GNAQ: variants seen among roughly 807,000 people sequenced by gnomAD.
GNAQ encodes guanine nucleotide-binding protein G(q) subunit alpha.
A neutral mutation model predicts 43.9 loss-of-function variants in GNAQ; 8 were observed. The observed-to-expected ratio is 0.18, with a 90% CI of 0.11 to 0.33. GNAQ has a LOEUF of 0.33. Among genes scored for constraint, GNAQ ranks in the 10% least tolerant of loss-of-function variants. GNAQ has a pLI of 1.00. For missense variants in GNAQ, 158 were observed against 450.8 expected (o/e 0.35, Z 5.88); for synonymous variants, 155 against 170.7 (o/e 0.91, Z 0.71).
intron 6 of GNAQ, among the ~76,000 whole-genome samples, chr9:77,725,837 T>A (rs1825389365): frequency 1.3e-5 from 2 of 152,196 alleles, no homozygotes; most frequent in South Asian, 2.1e-4. Context: ...GAAGTTTGAA[T>A]GAACCCCTCA....
chr9:77,838,918 T>G (rs1386922345), intron 2 of GNAQ, among the ~76,000 whole-genome samples: 7 of 151,838 alleles, frequency 4.6e-5, no homozygotes, highest in African/African-American at 1.5e-4. Context: ...GTGACTCTGA[T>G]GAGGAAAAAA....
At chr9:77,761,180 C>T (rs540275488) in intron 5 of GNAQ, among the ~76,000 whole-genome samples, 1,686 of 145,572 alleles carry the variant, frequency 0.012, 28 homozygotes, top group African/African-American at 0.04. Flanking sequence ...GTCAGCCTCC[C>T]GCCCGGCCAG....
intron 5 of GNAQ, among the ~76,000 whole-genome samples, chr9:77,748,446 T>C (rs1825763148): frequency 6.6e-6 from 1 of 152,174 alleles, no homozygotes; most frequent in Non-Finnish European, 1.5e-5. Context: ...CAATTAACTT[T>C]TAAGGACAAG....
chr9:77,836,118 T>C (rs935471120), intron 2 of GNAQ, among the ~76,000 whole-genome samples: 1 of 152,078 alleles, frequency 6.6e-6, no homozygotes, highest in African/African-American at 2.4e-5. Flanking sequence ...AAACTATGAC[T>C]GAAGACATGG....
At chr9:77,770,710 T>C (rs572191039) in intron 5 of GNAQ, among the ~76,000 whole-genome samples, 2 of 152,276 alleles carry the variant, frequency 1.3e-5, no homozygotes, top group Admixed American at 6.5e-5. Flanking sequence ...GGGCAAGAAC[T>C]TGCTATTCAG....
At chr9:77,882,204 A>G (rs1372565572) in intron 2 of GNAQ, among the ~76,000 whole-genome samples, 2 of 152,214 alleles carry the variant, frequency 1.3e-5, no homozygotes, top group Non-Finnish European at 2.9e-5. Context: ...AGCTTTATAC[A>G]TAATTTTATG....
chr9:77,814,041 AT>A (rs888215553), intron 3 of GNAQ, among the ~76,000 whole-genome samples: 1 of 152,156 alleles, frequency 6.6e-6, no homozygotes, highest in Non-Finnish European at 1.5e-5. Context: ...GACATAATGA[AT>A]GGGAACAGGG....
chr9:77,965,571 T>G (rs1466157090), intron 1 of GNAQ, among the ~76,000 whole-genome samples: 1 of 152,172 alleles, frequency 6.6e-6, no homozygotes, highest in Admixed American at 6.5e-5. Context: ...TCGAAAAAGT[T>G]ATACAGATGG....
chr9:77,767,420 G>A (rs1024002629), intron 5 of GNAQ, among the ~76,000 whole-genome samples: 2 of 152,246 alleles, frequency 1.3e-5, no homozygotes, highest in African/African-American at 2.4e-5. Flanking sequence ...CCACTGCTCT[G>A]AACATACCAT....
intron 1 of GNAQ, among the ~76,000 whole-genome samples, chr9:77,941,965 G>T (rs1022053266): frequency 6.6e-6 from 1 of 150,564 alleles, no homozygotes; most frequent in Non-Finnish European, 1.5e-5. Context: ...TATATAGAAA[G>T]AGGTAGGGTA....
chr9:78,008,161 G>A (rs781403374), intron 1 of GNAQ, among the ~76,000 whole-genome samples: 21 of 152,318 alleles, frequency 1.4e-4, no homozygotes, highest in Non-Finnish European at 2.8e-4. Flanking sequence ...TGTTTGAGCC[G>A]CTGAAAGACC....
intron 1 of GNAQ, among the ~76,000 whole-genome samples, chr9:77,941,883 A>G (rs931581426): frequency 8.0e-5 from 12 of 149,748 alleles, no homozygotes; most frequent in Admixed American, 4.0e-4. Context: ...GTTCTCGAAA[A>G]TGTGCACTTA....
At chr9:77,874,368 G>A (rs368598684) in intron 2 of GNAQ, among the ~76,000 whole-genome samples, 172 of 152,186 alleles carry the variant, frequency 1.1e-3, no homozygotes, top group African/African-American at 3.6e-3. Flanking sequence ...ACTGGCCCGC[G>A]TTCCAAGATA....
intron 1 of GNAQ, among the ~76,000 whole-genome samples, chr9:77,948,534 T>C (rs1286778176): frequency 1.3e-5 from 2 of 151,928 alleles, no homozygotes; most frequent in Admixed American, 6.6e-5. Flanking sequence ...CAGATGACTG[T>C]GGGGTCCAGC....
intron 1 of GNAQ, among the ~76,000 whole-genome samples, chr9:77,930,892 GTGGCAGGCATTAC>G (rs1286601741): frequency 6.6e-6 from 1 of 152,116 alleles, no homozygotes; most frequent in Admixed American, 6.5e-5. Context: ...CAGCAAGAGA[GTGGCAGGCATTAC>G]TGCCTGAGCT....
rs1307371499 is a variant in GNAQ at position 77,717,326 on chromosome 9, T to C, written c.*3997A>G. 11 of 232,352 alleles carry C rather than the reference T, an allele frequency of 4.7e-5. No homozygotes were observed. The highest frequency in any genetic ancestry group is 8.5e-5 in the Non-Finnish European group (10 of 117,628). The allele number at this position is 232,352 out of a possible 1,614,324, so 14.4% of individuals were successfully genotyped here. Reference sequence around the variant, plus strand: ...TTTAATTTGAAGAAGAGCAGCAATATACATTACAATATTTGGGTACACTTT... The same window carrying C: ...TTTAATTTGAAGAAGAGCAGCAATACACATTACAATATTTGGGTACACTTT... On this transcript the variant is annotated 3_prime_UTR_variant, in exon 7 of 7. Coordinates refer to ENST00000286548, the MANE Select transcript of GNAQ (RefSeq NM_002072.5).
chr9:77,939,854 G>A (rs747579703), intron 1 of GNAQ, among the ~76,000 whole-genome samples: 10 of 152,106 alleles, frequency 6.6e-5, no homozygotes, highest in Non-Finnish European at 1.5e-4. Context: ...AGACTGTGTG[G>A]CAAGCCTGAT....
chr9:77,751,820 AAAAC>A (rs987941742), intron 5 of GNAQ, among the ~76,000 whole-genome samples: 4 of 151,876 alleles, frequency 2.6e-5, no homozygotes, highest in South Asian at 2.1e-4. Context: ...ACAAACAAAA[AAAAC>A]AAACGAAAAA....
chr9:77,757,443 C>T (rs909428371), intron 5 of GNAQ, among the ~76,000 whole-genome samples: 108 of 152,304 alleles, frequency 7.1e-4, no homozygotes, highest in Non-Finnish European at 2.4e-4. Context: ...TTGACTAAGT[C>T]ATTCGCTCTC....
Sources: gnomAD v4.1 joint callset for allele counts (sites outside exome capture counted in the v4.1 genomes callset) on GRCh38, gnomAD v4.1.1 for gene constraint, MANE v1.5 for transcripts, NCBI Gene and HGNC (gene_info 2026-07-23, HGNC 2026-07-21) for gene names.